Variants in EYS observed in about 807,000 individuals in gnomAD.
EYS encodes protein eyes shut homolog.
Under a neutral mutation model 282.1 loss-of-function variants are expected in EYS, and 250 were observed. The ratio of observed to expected loss-of-function variants is 0.89; its 90% confidence interval spans 0.80 to 0.98. The LOEUF (loss-of-function observed/expected upper bound fraction) is 0.98. EYS is among the 50% of genes least tolerant of loss of function. EYS has a pLI of 0.00. For synonymous variants in EYS, 1,355 were observed against 1,282.9 expected (o/e 1.06, Z -1.20); for missense variants, 4,016 against 3,709.0 (o/e 1.08, Z -2.15).
At chr6:64,512,548 AAG>A (rs909295677) in intron 26 of EYS, among the ~76,000 whole-genome samples, 1 of 151,928 alleles carries the variant, frequency 6.6e-6, no homozygotes, top group African/African-American at 2.4e-5. Context: ...GAGGTTAATA[AAG>A]AGAGAAGAGA....
Position 65,496,120 on chromosome 6 carries a change from A to C in EYS, c.-332-127T>G, listed in dbSNP as rs1766249874. Reference sequence around the variant, plus strand: ...TTTTATGATAATCCAGAGGATGGGAACTCCCATATATATGAAAATTCTGTT... The same window carrying C: ...TTTTATGATAATCCAGAGGATGGGACCTCCCATATATATGAAAATTCTGTT... On this transcript the variant is annotated intron_variant, in intron 2 of 42. Transcript: ENST00000503581. 2.6e-5 allele frequency: 4 copies of C among 152,128 alleles called. No individual in the cohort carries two copies. In the South Asian group the frequency reaches 6.2e-4, roughly 24 times the overall value. 9.4% of individuals were successfully genotyped at this position (152,128 alleles called of 1,614,324 possible).
intron 26 of EYS, 61 bp downstream of exon 26, chr6:64,590,162 C>T: frequency 9.3e-6 from 13 of 1,403,422 alleles, no homozygotes; most frequent in Non-Finnish European, 1.2e-5. Flanking sequence ...CAGGCTCTTT[C>T]TTCTCTGTAG....
chr6:64,957,869 C>T (rs1002371219), intron 14 of EYS, among the ~76,000 whole-genome samples: 5 of 151,984 alleles, frequency 3.3e-5, no homozygotes, highest in East Asian at 1.9e-4. Flanking sequence ...ATGGTATTTG[C>T]TTATTGTTTT....
chr6:64,331,077 G>A (rs1485396689), intron 29 of EYS, among the ~76,000 whole-genome samples: 6 of 152,162 alleles, frequency 3.9e-5, no homozygotes, highest in Non-Finnish European at 7.4e-5. Context: ...ACTGAATTCA[G>A]TAGCTGAAGC....
At chr6:64,395,187 C>T (rs1456527518) in intron 28 of EYS, among the ~76,000 whole-genome samples, 2 of 151,956 alleles carry the variant, frequency 1.3e-5, no homozygotes, top group Non-Finnish European at 2.9e-5. Context: ...GTTGGTGGGA[C>T]TGTAAACTAG....
At chr6:63,864,495 C>T (rs975647884) in intron 35 of EYS, 137 bp from the exon 36 acceptor site, 1 of 447,664 alleles carries the variant, frequency 2.2e-6, no homozygotes, top group Non-Finnish European at 3.3e-6. Flanking sequence ...ACTTTTTTCT[C>T]CCTCTTTTCT....
At chr6:65,157,814 T>C (rs781425520) in intron 12 of EYS, among the ~76,000 whole-genome samples, 7 of 150,732 alleles carry the variant, frequency 4.6e-5, no homozygotes, top group South Asian at 2.1e-4. Flanking sequence ...ATTATAACTT[T>C]AACATGTTTT....
chr6:64,322,546 G>A (rs1356981318), intron 29 of EYS, among the ~76,000 whole-genome samples: 1 of 152,000 alleles, frequency 6.6e-6, no homozygotes, highest in Non-Finnish European at 1.5e-5. Flanking sequence ...ACAAAGTGTT[G>A]ATCTTGACAT....
chr6:64,171,626 T>G (rs1007035781), intron 31 of EYS, among the ~76,000 whole-genome samples: 1 of 71,530 alleles, frequency 1.4e-5, no homozygotes, highest in African/African-American at 4.9e-5. Flanking sequence ...ATTATTGATA[T>G]AACAGTCTTC....
intron 31 of EYS, among the ~76,000 whole-genome samples, chr6:64,107,287 A>ATT (rs1456972026): frequency 3.4e-5 from 2 of 59,626 alleles, no homozygotes; most frequent in Non-Finnish European, 6.2e-5. Context: ...ATATATATTT[A>ATT]TATATATATA....
chr6:65,624,640 G>A (rs974232677), intron 2 of EYS, among the ~76,000 whole-genome samples: 2 of 152,178 alleles, frequency 1.3e-5, no homozygotes, highest in Admixed American at 1.3e-4. Context: ...TCAGCTGCCA[G>A]AGCAGCTAGA....
intron 22 of EYS, among the ~76,000 whole-genome samples, chr6:64,657,337 G>A (rs1327605438): frequency 6.6e-6 from 1 of 152,144 alleles, no homozygotes; most frequent in Non-Finnish European, 1.5e-5. Flanking sequence ...TTTAATTGGA[G>A]CATTTAGCCC....
chr6:65,079,928 G>A (rs796833616), intron 12 of EYS, among the ~76,000 whole-genome samples: 1 of 152,026 alleles, frequency 6.6e-6, no homozygotes, highest in Non-Finnish European at 1.5e-5. Context: ...ATAACAGAGA[G>A]AAAAATATCT....
At chr6:65,556,839 C>T (rs967885102) in intron 2 of EYS, among the ~76,000 whole-genome samples, 1 of 152,056 alleles carries the variant, frequency 6.6e-6, no homozygotes, top group Non-Finnish European at 1.5e-5. Context: ...TTCTATATAA[C>T]TTAATGAATA....
At chr6:64,622,995 C>A (rs1431225967) in intron 23 of EYS, among the ~76,000 whole-genome samples, 2 of 152,194 alleles carry the variant, frequency 1.3e-5, no homozygotes, top group Admixed American at 6.5e-5. Flanking sequence ...CTAATGGAAT[C>A]TTTTAAAGAG....
chr6:64,154,707 T>A (rs1035610834), intron 31 of EYS, among the ~76,000 whole-genome samples: 9 of 152,104 alleles, frequency 5.9e-5, no homozygotes, highest in Non-Finnish European at 1.2e-4. Context: ...ACAACAATTT[T>A]AAAATTTTAA....
chr6:64,009,346 T>C (rs1768496332), intron 33 of EYS, among the ~76,000 whole-genome samples: 1 of 151,254 alleles, frequency 6.6e-6, no homozygotes, highest in African/African-American at 2.4e-5. Flanking sequence ...TGCAGTGGCG[T>C]GATCTCGGCT....
chr6:63,984,373 T>G lies in EYS; in HGVS notation c.7055+10A>C, dbSNP rs1314101676. ...TAACGTAGGTTGGGAATCAGGAGAC[T>G]AATACTGACCTGATGCAGGTGCCAT... On this transcript the variant is annotated intron_variant, in intron 35 of 42. Transcript: ENST00000503581. 2.6e-6 allele frequency: 4 copies of G among 1,535,522 alleles called. No homozygotes were observed. The South Asian group carries it at 3.6e-5, about 14-fold the overall frequency.
intron 26 of EYS, among the ~76,000 whole-genome samples, chr6:64,557,729 ATTT>A (rs1347371320): frequency 6.6e-6 from 1 of 152,064 alleles, no homozygotes; most frequent in Non-Finnish European, 1.5e-5. Flanking sequence ...AGAAGCAGTA[ATTT>A]ATTATAGGGG....
Sources: gnomAD v4.1 joint callset for allele counts (sites outside exome capture counted in the v4.1 genomes callset) on GRCh38, gnomAD v4.1.1 for gene constraint, MANE v1.5 for transcripts, NCBI Gene and HGNC (gene_info 2026-07-23, HGNC 2026-07-21) for gene names.